The following SLC25A12 variants were observed in gnomAD, a reference collection of about 807,000 sequenced individuals.
The protein encoded by SLC25A12 is solute carrier family 25 member 12, also known as electrogenic aspartate/glutamate antiporter SLC25A12, mitochondrial.
Under a neutral mutation model 83.3 loss-of-function variants are expected in SLC25A12, and 32 were observed. The ratio of observed to expected loss-of-function variants is 0.38; its 90% confidence interval spans 0.29 to 0.52. The LOEUF (loss-of-function observed/expected upper bound fraction) is 0.52. Ranked by LOEUF, SLC25A12 falls within the 20% of genes least tolerant of loss-of-function variation. The probability of loss-of-function intolerance (pLI) is 0.84; values close to 1 mark genes in which losing one functional copy is unlikely to be tolerated. For missense variants in SLC25A12, 611 were observed against 835.6 expected (o/e 0.73, Z 3.31); for synonymous variants, 267 against 291.1 (o/e 0.92, Z 0.84).
rs1349200105 is a variant in SLC25A12, at chr2:171,891,430, A to C, written c.66+1775T>G. On this transcript the variant is annotated intron_variant, in intron 2 of 17. Coordinates refer to ENST00000422440, the MANE Select transcript of SLC25A12 (RefSeq NM_003705.5). ...GAATCACAGTATATTTTTTTCCCAT[A>C]GAATTTTTAAAGCTAGAAAGACCTC... 2.6e-5 allele frequency among the ~76,000 whole-genome samples: 4 copies of C among 152,360 alleles called. No individual in the cohort carries two copies. The East Asian group carries it at 5.8e-4, about 22-fold the overall frequency.
At chr2:171,804,559 C>T (rs1481074431) in intron 13 of SLC25A12, among the ~76,000 whole-genome samples, 1 of 152,166 alleles carries the variant, frequency 6.6e-6, no homozygotes, top group Non-Finnish European at 1.5e-5. Context: ...CCACGCCCAG[C>T]CTCCATTTAT....
intron 3 of SLC25A12, among the ~76,000 whole-genome samples, chr2:171,866,794 G>A (rs1685327940): frequency 6.8e-6 from 1 of 147,818 alleles, no homozygotes; most frequent in Non-Finnish European, 1.5e-5. Context: ...CCCGGACGGG[G>A]CGGCTGGCCT....
chr2:171,881,975 T>C (rs1221640405), intron 2 of SLC25A12, among the ~76,000 whole-genome samples: 1 of 152,134 alleles, frequency 6.6e-6, no homozygotes, highest in African/African-American at 2.4e-5. Flanking sequence ...GGGGTCCTAA[T>C]TTTGGTTATT....
chr2:171,875,923 A>AAG (rs1456855954), intron 2 of SLC25A12, among the ~76,000 whole-genome samples: 1 of 149,964 alleles, frequency 6.7e-6, no homozygotes, highest in African/African-American at 2.5e-5. Flanking sequence ...AAAAAAAAAA[A>AAG]AAAAAAAGAA....
intron 9 of SLC25A12, among the ~76,000 whole-genome samples, chr2:171,817,000 C>T (rs749498995): frequency 2.0e-5 from 3 of 151,988 alleles, no homozygotes; most frequent in Non-Finnish European, 4.4e-5. Context: ...AGGATTAGTG[C>T]CATTATAAGA....
chr2:171,796,458 A>G (rs1683599239), intron 13 of SLC25A12, among the ~76,000 whole-genome samples: 1 of 152,196 alleles, frequency 6.6e-6, no homozygotes, highest in Non-Finnish European at 1.5e-5. Flanking sequence ...TTTCATGCCT[A>G]TGTTTGAAGG....
intron 5 of SLC25A12, among the ~76,000 whole-genome samples, chr2:171,839,113 G>C (rs1694112734): frequency 6.6e-6 from 1 of 152,210 alleles, no homozygotes; most frequent in Non-Finnish European, 1.5e-5. Flanking sequence ...GAGAGAAAGA[G>C]AGAAAGTAAT....
At chr2:171,791,050 G>GT (rs1683441895) in intron 15 of SLC25A12, among the ~76,000 whole-genome samples, 1 of 152,078 alleles carries the variant, frequency 6.6e-6, no homozygotes, top group Non-Finnish European at 1.5e-5. Flanking sequence ...ACAGAAGAGA[G>GT]AAAGTAAGAG....
chr2:171,840,339 T>C (rs1277718654), intron 5 of SLC25A12, among the ~76,000 whole-genome samples: 1 of 151,634 alleles, frequency 6.6e-6, no homozygotes, highest in East Asian at 1.9e-4. Context: ...TGAGCCATGA[T>C]CCTGTCACTG....
At chr2:171,872,485 G>C (rs1363321044) in intron 2 of SLC25A12, among the ~76,000 whole-genome samples, 2 of 152,014 alleles carry the variant, frequency 1.3e-5, no homozygotes, top group African/African-American at 4.8e-5. Flanking sequence ...CACAATATGA[G>C]GAAGACCGCT....
chr2:171,885,540 C>T (rs1053618139), intron 2 of SLC25A12, among the ~76,000 whole-genome samples: 4 of 151,790 alleles, frequency 2.6e-5, no homozygotes, highest in African/African-American at 7.3e-5. Context: ...ATTAGCTAGG[C>T]ATGTGTCTGT....
At chr2:171,792,836 A>AGAATTTC (rs963340447) in intron 14 of SLC25A12, among the ~76,000 whole-genome samples, 1 of 152,170 alleles carries the variant, frequency 6.6e-6, no homozygotes, top group African/African-American at 2.4e-5. Flanking sequence ...TCCAATCTAG[A>AGAATTTC]GAATTTCTAA....
intron 8 of SLC25A12, among the ~76,000 whole-genome samples, chr2:171,833,371 A>T (rs996243569): frequency 6.6e-6 from 1 of 152,210 alleles, no homozygotes; most frequent in South Asian, 2.1e-4. Context: ...AATAGTTTAG[A>T]ATATAAATTC....
chr2:171,818,052 AT>A (rs1241650700), intron 9 of SLC25A12, among the ~76,000 whole-genome samples: 19 of 152,200 alleles, frequency 1.2e-4, no homozygotes, highest in Admixed American at 1.2e-3. Context: ...GGTTAGCAAC[AT>A]TTTTTTAAGG....
chr2:171,848,782 G>A (rs1393908821), intron 4 of SLC25A12, among the ~76,000 whole-genome samples: 1 of 152,220 alleles, frequency 6.6e-6, no homozygotes, highest in Non-Finnish European at 1.5e-5. Context: ...CTGAGAGAAA[G>A]TATTTCTATT....
intron 7 of SLC25A12, 21 bp from the exon 8 acceptor site, chr2:171,834,077 G>C (rs776964078): frequency 7.1e-7 from 1 of 1,405,456 alleles, no homozygotes; most frequent in Non-Finnish European, 1.0e-6. Context: ...GAAAAAAAAA[G>C]TTAAAATCTT....
intron 5 of SLC25A12, among the ~76,000 whole-genome samples, chr2:171,838,149 G>C (rs1431895033): frequency 2.6e-5 from 4 of 152,034 alleles, no homozygotes; most frequent in Non-Finnish European, 5.9e-5. Context: ...GTAAATAATA[G>C]TCATATCTAA....
At chr2:171,887,078 C>T (rs891013433) in intron 2 of SLC25A12, among the ~76,000 whole-genome samples, 7 of 152,244 alleles carry the variant, frequency 4.6e-5, no homozygotes, top group Admixed American at 1.3e-4. Flanking sequence ...CTGCTAAAAG[C>T]CCTGCTTTAT....
At chr2:171,816,858 T>C (rs1574693924) in intron 9 of SLC25A12, among the ~76,000 whole-genome samples, 2 of 152,222 alleles carry the variant, frequency 1.3e-5, no homozygotes, top group African/African-American at 4.8e-5. Context: ...AGTTATGGCA[T>C]TGCTACAGAT....
Sources: gnomAD v4.1 joint callset for allele counts (sites outside exome capture counted in the v4.1 genomes callset) on GRCh38, gnomAD v4.1.1 for gene constraint, MANE v1.5 for transcripts, NCBI Gene and HGNC (gene_info 2026-07-23, HGNC 2026-07-21) for gene names.